ZNF277: variants seen among roughly 807,000 people sequenced by gnomAD.
ZNF277 encodes nuclear receptor-interacting factor 4.
Under a neutral mutation model 60.7 loss-of-function variants are expected in ZNF277, and 55 were observed. The observed-to-expected ratio is 0.91, with a 90% confidence interval of 0.73 to 1.13. The LOEUF (loss-of-function observed/expected upper bound fraction) is 1.13. Ranked by LOEUF, ZNF277 falls within the 50% of genes most tolerant of loss-of-function variation. The pLI, the probability that ZNF277 is intolerant of heterozygous loss-of-function variation, is 0.00. For synonymous variants in ZNF277, 178 were observed against 179.3 expected (o/e 0.99, Z 0.06); for missense variants, 510 against 523.0 (o/e 0.98, Z 0.24).
At chr7:112,325,655 T>C (rs1793077115) in intron 5 of ZNF277, among the ~76,000 whole-genome samples, 1 of 152,150 alleles carries the variant, frequency 6.6e-6, no homozygotes, top group African/African-American at 2.4e-5. Flanking sequence ...TGGGGCAACA[T>C]TGCCTGAGAT....
At chr7:112,337,853 T>C in intron 9 of ZNF277, 27 bp downstream of exon 9, 1 of 1,586,598 alleles carries the variant, frequency 6.3e-7, no homozygotes, top group Non-Finnish European at 8.6e-7. Context: ...TATTTGAATT[T>C]TGTTTTATTC....
At chr7:112,340,703 C>A (rs1793426011) in intron 10 of ZNF277, among the ~76,000 whole-genome samples, 169 bp from the exon 11 acceptor site, 1 of 152,076 alleles carries the variant, frequency 6.6e-6, no homozygotes, top group Non-Finnish European at 1.5e-5. Flanking sequence ...AGCTCATAAG[C>A]CCTGTGTAAA....
intron 9 of ZNF277, among the ~76,000 whole-genome samples, chr7:112,338,981 T>C (rs1793387623): frequency 6.6e-6 from 1 of 152,184 alleles, no homozygotes; most frequent in Non-Finnish European, 1.5e-5. Context: ...ACACAGACAA[T>C]TGCAGGTGTC....
At chr7:112,320,045 C>T (rs7802828) in intron 5 of ZNF277, among the ~76,000 whole-genome samples, 64,507 of 151,934 alleles carry the variant, frequency 0.42, 17,255 homozygotes, top group African/African-American at 0.75. Context: ...TCTCTCATAT[C>T]GGCATATGGG....
intron 2 of ZNF277, 87 bp from the exon 3 acceptor site, chr7:112,295,782 G>T (rs926014814): frequency 9.9e-7 from 1 of 1,011,490 alleles, no homozygotes. Flanking sequence ...GCTTTGGGAT[G>T]AGTGAATGTG....
intron 1 of ZNF277, among the ~76,000 whole-genome samples, chr7:112,247,163 T>G (rs1791104041): frequency 6.6e-6 from 1 of 152,286 alleles, no homozygotes; most frequent in Non-Finnish European, 1.5e-5. Flanking sequence ...TCCCCCTTTT[T>G]TGCCTTTAAA....
chr7:112,284,344 A>T (rs1218870256), intron 1 of ZNF277, among the ~76,000 whole-genome samples: 1 of 152,204 alleles, frequency 6.6e-6, no homozygotes, highest in Non-Finnish European at 1.5e-5. Flanking sequence ...GTTATTTCCT[A>T]CATGGCAGGT....
At chr7:112,277,409 A>G (rs1584370114) in intron 1 of ZNF277, among the ~76,000 whole-genome samples, 1 of 152,086 alleles carries the variant, frequency 6.6e-6, no homozygotes, top group Admixed American at 6.6e-5. Context: ...AAATCAAGAG[A>G]CTTTCTTCCC....
intron 4 of ZNF277, among the ~76,000 whole-genome samples, chr7:112,304,384 T>C (rs1004118286): frequency 6.6e-6 from 1 of 152,144 alleles, no homozygotes; most frequent in African/African-American, 2.4e-5. Flanking sequence ...GTGACCCTTT[T>C]GACACTTAAA....
intron 1 of ZNF277, among the ~76,000 whole-genome samples, chr7:112,231,149 G>A (rs1161088595): frequency 6.6e-6 from 1 of 151,326 alleles, no homozygotes. Flanking sequence ...GGGAGGCGGA[G>A]GTTGCAGTGA....
At chr7:112,238,063 C>T (rs1790847835) in intron 1 of ZNF277, among the ~76,000 whole-genome samples, 1 of 152,166 alleles carries the variant, frequency 6.6e-6, no homozygotes, top group South Asian at 2.1e-4. Context: ...AATTGAACAA[C>T]TATCCACACA....
chr7:112,311,393 T>A (rs1024982883), intron 4 of ZNF277, among the ~76,000 whole-genome samples: 3 of 152,152 alleles, frequency 2.0e-5, no homozygotes, highest in African/African-American at 7.2e-5. Flanking sequence ...GTATTTGTAA[T>A]GAAAATATTA....
intron 1 of ZNF277, among the ~76,000 whole-genome samples, chr7:112,218,991 A>G (rs964193061): frequency 6.6e-6 from 1 of 152,160 alleles, no homozygotes; most frequent in African/African-American, 2.4e-5. Flanking sequence ...CCAGAAGTAG[A>G]TTCATTGGAT....
At chr7:112,265,134 C>T (rs1468205193) in intron 1 of ZNF277, among the ~76,000 whole-genome samples, 1 of 152,152 alleles carries the variant, frequency 6.6e-6, no homozygotes, top group Non-Finnish European at 1.5e-5. Flanking sequence ...AACAATTTTT[C>T]CTTTGCATTC....
intron 1 of ZNF277, among the ~76,000 whole-genome samples, chr7:112,246,359 A>C (rs555042195): frequency 1.3e-5 from 2 of 152,280 alleles, no homozygotes; most frequent in South Asian, 4.1e-4. Flanking sequence ...ATGCCACTGC[A>C]CTCCAGCCTC....
chr7:112,268,216 A>AT (rs1291419749), intron 1 of ZNF277, among the ~76,000 whole-genome samples: 3 of 152,000 alleles, frequency 2.0e-5, no homozygotes, highest in African/African-American at 7.2e-5. Context: ...CTCATTTTAG[A>AT]TTTAGGGGGA....
intron 4 of ZNF277, among the ~76,000 whole-genome samples, chr7:112,305,061 C>G (rs1255254746): frequency 6.6e-6 from 1 of 152,044 alleles, no homozygotes; most frequent in Admixed American, 6.6e-5. Context: ...TTAAGGACTT[C>G]GCACTTGCTG....
intron 1 of ZNF277, among the ~76,000 whole-genome samples, chr7:112,217,950 C>T (rs771273155): frequency 5.3e-5 from 8 of 152,066 alleles, no homozygotes; most frequent in Admixed American, 1.3e-4. Flanking sequence ...AAGACAAGTT[C>T]GACTCCCTAC....
At chr7:112,340,067 T>C (rs1793413465) in intron 10 of ZNF277, among the ~76,000 whole-genome samples, 182 bp downstream of exon 10, 1 of 152,120 alleles carries the variant, frequency 6.6e-6, no homozygotes, top group Admixed American at 6.5e-5. Flanking sequence ...TCAAATATGG[T>C]TTTTGGTTTC....
Sources: allele counts gnomAD v4.1 joint callset (sites outside exome capture counted in the v4.1 genomes callset), GRCh38; gene constraint gnomAD v4.1.1; transcripts MANE v1.5; gene names NCBI Gene and HGNC (gene_info 2026-07-23, HGNC 2026-07-21).